PKD1L3: variants seen among roughly 807,000 people sequenced by gnomAD.
PKD1L3 encodes polycystin-1-like protein 3.
In PKD1L3, 239 loss-of-function variants were observed where a neutral mutation model predicts 184.1. That is an observed-to-expected ratio of 1.30 (90% CI 1.17 to 1.45). PKD1L3 has a LOEUF of 1.45. PKD1L3 is among the 40% of genes most tolerant of loss of function. The pLI is 0.00. For synonymous variants in PKD1L3, 996 were observed against 778.8 expected, an observed-to-expected ratio of 1.28 and a Z score of -4.64; for missense variants, 2,660 against 2,067.2, an observed-to-expected ratio of 1.29 and a Z score of -5.56.
chr16:71,975,970 T>C lies in PKD1L3; in HGVS notation c.1759+1266A>G, dbSNP rs966572803. Among the ~76,000 whole-genome samples the C allele has an allele frequency of 9.7e-4, 147 of 152,152 alleles. 1 individual carries two copies. The highest frequency in any genetic ancestry group is 3.4e-3 in the African/African-American group (141 of 41,516). On this transcript the variant is annotated intron_variant, in intron 11 of 29. Coordinates refer to ENST00000620267, the MANE Select transcript of PKD1L3 (RefSeq NM_181536.2). ...GCTGTTTCTGTTCTTTTTTTTTTTTTTGAGGCAGGGTCTGTCACCCAGGCT... is the reference window on the plus strand; with the variant it reads ...GCTGTTTCTGTTCTTTTTTTTTTTTCTGAGGCAGGGTCTGTCACCCAGGCT...
rs1392219675 is a variant in PKD1L3 at position 71,947,483 on chromosome 16, T to C, written c.3718+9A>G. 12 of 1,511,472 alleles carry C rather than the reference T, an allele frequency of 7.9e-6. No individual in the cohort carries two copies. Among genetic ancestry groups the C allele is most frequent in the African/African-American group, 1.4e-5 (1 of 71,616 alleles). The allele number at this position is 1,511,472 out of a possible 1,614,324, so 93.6% of individuals were successfully genotyped here. ...AAAATTAGGTAGTTGTTAGAACTACTTGAGTTACCCAAGAGTGCCAAGATC... is the reference window on the plus strand; with the variant it reads ...AAAATTAGGTAGTTGTTAGAACTACCTGAGTTACCCAAGAGTGCCAAGATC... On this transcript the variant is annotated intron_variant, in intron 22 of 29. Transcript: ENST00000620267.
At chr16:71,939,951 T>C (rs967137992) in intron 24 of PKD1L3, among the ~76,000 whole-genome samples, 6 of 152,122 alleles carry the variant, frequency 3.9e-5, no homozygotes, top group East Asian at 1.9e-4. Context: ...AGGAATCACA[T>C]TGACTTAGCA....
At chr16:71,938,754 C>T (rs989270301) in intron 24 of PKD1L3, among the ~76,000 whole-genome samples, 12 of 152,340 alleles carry the variant, frequency 7.9e-5, no homozygotes, top group Admixed American at 5.9e-4. Context: ...AACAATGGGA[C>T]GACCTGCCTG....
intron 25 of PKD1L3, 49 bp downstream of exon 25, chr16:71,937,243 T>G: frequency 3.3e-5 from 51 of 1,523,122 alleles, no homozygotes; most frequent in Non-Finnish European, 4.1e-5. Context: ...CTGGTAAAGA[T>G]GAGGTTTTGC....
intron 16 of PKD1L3, among the ~76,000 whole-genome samples, chr16:71,957,851 G>A (rs887309090): frequency 2.0e-5 from 3 of 152,074 alleles, no homozygotes; most frequent in African/African-American, 7.2e-5. Flanking sequence ...TTCAAGACAA[G>A]AATTATTACT....
At chr16:71,955,639 T>C (rs2039016694) in intron 16 of PKD1L3, among the ~76,000 whole-genome samples, 1 of 151,962 alleles carries the variant, frequency 6.6e-6, no homozygotes, top group South Asian at 2.1e-4. Flanking sequence ...CCACTACACC[T>C]AATAGGGCTT....
In PKD1L3 at chr16:71,967,293, G is replaced by C. The variant is rs545798058; in HGVS notation, c.2309C>G (p.Ser770Ter). ...TAKVVITLYGSEGRSEPHHLC... is the reference protein window; with the variant it reads ...TAKVVITLYG ...GTGATGGGGCTCACTCCGTCCCTCTGATCCATAGAGGGTGATGACAACCTA... is the reference window on the plus strand; with the variant it reads ...GTGATGGGGCTCACTCCGTCCCTCTCATCCATAGAGGGTGATGACAACCTA... The change falls in exon 15 of 30, where the codon TCA becomes TGA. Residue 770 changes from serine to a stop codon, truncating the protein, a stop_gained. Coordinates refer to ENST00000620267, the MANE Select transcript of PKD1L3 (RefSeq NM_181536.2). LOFTEE classifies it high-confidence loss of function. 275 of 1,551,312 alleles carry C rather than the reference G, an allele frequency of 1.8e-4. 4 individuals are homozygous for C. The highest frequency in any genetic ancestry group is 6.0e-4 in the South Asian group (50 of 84,016).
At chr16:71,961,702 A>T (rs1597326122) in intron 16 of PKD1L3, among the ~76,000 whole-genome samples, 2 of 152,266 alleles carry the variant, frequency 1.3e-5, no homozygotes, top group Admixed American at 1.3e-4. Context: ...GCCAGGATGA[A>T]AGATCCCAAG....
intron 10 of PKD1L3, 90 bp from the exon 11 acceptor site, chr16:71,977,557 G>GGTT: frequency 3.0e-6 from 2 of 671,624 alleles, no homozygotes; most frequent in Non-Finnish European, 2.2e-6. Flanking sequence ...AAACGTCCTA[G>GGTT]CTCTTTTTTT....
At chr16:71,962,878 G>A (rs753138236) in intron 16 of PKD1L3, among the ~76,000 whole-genome samples, 3 of 152,116 alleles carry the variant, frequency 2.0e-5, no homozygotes, top group Non-Finnish European at 4.4e-5. Context: ...TATCATCGAA[G>A]TAGTGGTATC....
intron 29 of PKD1L3, 111 bp downstream of exon 29, chr16:71,929,941 G>A: frequency 7.8e-7 from 1 of 1,278,552 alleles, no homozygotes; most frequent in Non-Finnish European, 1.1e-6. Flanking sequence ...CTAATAAAGG[G>A]AATATGATAC....
intron 15 of PKD1L3, among the ~76,000 whole-genome samples, chr16:71,964,309 C>CT (rs772995457): frequency 3.5e-5 from 2 of 56,592 alleles, no homozygotes; most frequent in Non-Finnish European, 6.4e-5. Context: ...TCGTCAAAAT[C>CT]TTTTTTTTTT....
chr16:71,950,472 A>C (rs148215299), intron 19 of PKD1L3, among the ~76,000 whole-genome samples, 162 bp from the exon 20 acceptor site: 9 of 152,334 alleles, frequency 5.9e-5, no homozygotes, highest in Non-Finnish European at 8.8e-5. Context: ...ATCTTCTCTA[A>C]GGATGCTGGT....
At chr16:71,992,399 T>TCA (rs2040622914) in intron 3 of PKD1L3, among the ~76,000 whole-genome samples, 1 of 152,240 alleles carries the variant, frequency 6.6e-6, no homozygotes, top group African/African-American at 2.4e-5. Context: ...AAGCCACATG[T>TCA]TACGTAAGGT....
At position 71,929,679 on chromosome 16, in the gene PKD1L3, C is replaced by A; in HGVS notation, c.5059-1G>T. On this transcript the variant is annotated splice_acceptor_variant, in intron 29 of 29. Transcript: ENST00000620267. LOFTEE classifies it high-confidence loss of function. ...GTGTATCTATTAGTGCAGCTTCTTT[C>A]TGAGTATTGAAGACAAAAAGAGAAA... 6.5e-7 allele frequency: 1 copy of A among 1,541,176 alleles called. No individual in the cohort carries two copies. Among genetic ancestry groups the A allele is most frequent in the Non-Finnish European group, 8.7e-7 (1 of 1,143,488 alleles).
chr16:71,967,878 C>T lies in PKD1L3; in HGVS notation c.2286+28G>A, dbSNP rs1260049205. The T allele has an allele frequency of 3.9e-6, 6 of 1,519,100 alleles. No homozygotes were observed. In the Admixed American group the frequency reaches 9.9e-5, roughly 25 times the overall value. 94.1% of individuals were successfully genotyped at this position (1,519,100 alleles called of 1,614,324 possible). On this transcript the variant is annotated intron_variant, in intron 14 of 29. Coordinates refer to ENST00000620267, the MANE Select transcript of PKD1L3 (RefSeq NM_181536.2). The stretch of plus-strand genomic sequence containing the variant: ...GTCTCATGTGGCAGAAGACACAAGG[C>T]AATGTGAAAAACATTTATTTCATTA...
chr16:71,943,565 A>G (rs1311264223), intron 23 of PKD1L3, among the ~76,000 whole-genome samples: 1 of 150,792 alleles, frequency 6.6e-6, no homozygotes, highest in Non-Finnish European at 1.5e-5. Context: ...AAAACATAAA[A>G]TCCCGCACAA....
Position 71,979,429 on chromosome 16 carries a change from T to C in PKD1L3, c.1398+357A>G, listed in dbSNP as rs758480553. On this transcript the variant is annotated intron_variant, in intron 9 of 29. Transcript: ENST00000620267. ...ACTGCACTCCAGCCTGGGTGACAGA[T>C]TGAGACTCCATCTCAACAAAACAAA... Among the ~76,000 whole-genome samples the C allele has an allele frequency of 4.6e-5, 7 of 151,582 alleles. No homozygotes were observed. In the East Asian group the frequency reaches 9.8e-4, roughly 21 times the overall value.
At chr16:71,997,702 T>C (rs2040840475) in intron 2 of PKD1L3, among the ~76,000 whole-genome samples, 1 of 152,020 alleles carries the variant, frequency 6.6e-6, no homozygotes, top group Non-Finnish European at 1.5e-5. Flanking sequence ...GAGCCGAGAT[T>C]GTGCCATTGC....
Sources: allele counts gnomAD v4.1 joint callset (sites outside exome capture counted in the v4.1 genomes callset), GRCh38; gene constraint gnomAD v4.1.1; transcripts MANE v1.5; gene names NCBI Gene and HGNC (gene_info 2026-07-23, HGNC 2026-07-21).